ANTXR1: variants seen among roughly 807,000 people sequenced by gnomAD.
ANTXR1 encodes anthrax toxin receptor 1.
ANTXR1 carries 19 observed loss-of-function variants against 78.1 expected under a neutral mutation model. The observed-to-expected ratio is 0.24, with a 90% CI of 0.17 to 0.36. The LOEUF is 0.36. Among genes scored for constraint, ANTXR1 ranks in the 10% least tolerant of loss-of-function variants. The probability of loss-of-function intolerance (pLI) is 1.00; values close to 1 mark genes in which losing one functional copy is unlikely to be tolerated. For synonymous variants in ANTXR1, 273 were observed against 260.5 expected, an observed-to-expected ratio of 1.05 and a Z score of -0.46; for missense variants, 518 against 718.6, an observed-to-expected ratio of 0.72 and a Z score of 3.19.
chr2:69,103,046 G>C (rs1034294874), intron 10 of ANTXR1, 106 bp downstream of exon 10: 3 of 1,194,338 alleles, frequency 2.5e-6, no homozygotes, highest in Non-Finnish European at 3.7e-6. Context: ...CAGCAGAAAA[G>C]AGTCTTATTT....
chr2:69,171,249 A>G (rs1673976075), intron 14 of ANTXR1, among the ~76,000 whole-genome samples: 1 of 152,262 alleles, frequency 6.6e-6, no homozygotes. Flanking sequence ...ATCCTGAACC[A>G]TACGCATGTA....
At chr2:69,097,851 G>A (rs1322015387) in intron 9 of ANTXR1, among the ~76,000 whole-genome samples, 1 of 152,120 alleles carries the variant, frequency 6.6e-6, no homozygotes, top group Non-Finnish European at 1.5e-5. Context: ...ACAGGTAGGT[G>A]GATAAACAAA....
At chr2:69,147,968 C>A (rs187600755) in intron 12 of ANTXR1, among the ~76,000 whole-genome samples, 1 of 152,192 alleles carries the variant, frequency 6.6e-6, no homozygotes, top group Admixed American at 6.5e-5. Flanking sequence ...AAAATGCAGG[C>A]GTTTCAAGAG....
chr2:69,070,763 G>A (rs748711404), intron 4 of ANTXR1, 35 bp downstream of exon 4: 2 of 1,594,216 alleles, frequency 1.3e-6, no homozygotes, highest in South Asian at 2.2e-5. Context: ...CAAATATAAA[G>A]CATGATATTG....
intron 8 of ANTXR1, among the ~76,000 whole-genome samples, chr2:69,085,780 T>A (rs1437005156): frequency 6.6e-6 from 1 of 152,064 alleles, no homozygotes; most frequent in Non-Finnish European, 1.5e-5. Flanking sequence ...AAAATGTGCA[T>A]GGATATAGAG....
At chr2:69,218,255 T>C (rs1675227386) in intron 17 of ANTXR1, among the ~76,000 whole-genome samples, 1 of 152,188 alleles carries the variant, frequency 6.6e-6, no homozygotes, top group Admixed American at 6.5e-5. Context: ...CTTTAGATGG[T>C]CTGGGTCACT....
chr2:69,041,306 C>G (rs1430782408), intron 2 of ANTXR1, among the ~76,000 whole-genome samples: 3 of 152,228 alleles, frequency 2.0e-5, no homozygotes, highest in African/African-American at 7.2e-5. Flanking sequence ...TGAAAACTCA[C>G]TGCCTTTGAG....
intron 4 of ANTXR1, among the ~76,000 whole-genome samples, chr2:69,071,378 G>A (rs193154165): frequency 1.1e-4 from 16 of 152,300 alleles, no homozygotes; most frequent in Non-Finnish European, 1.6e-4. Flanking sequence ...TACATTGTAG[G>A]CAATTGTAAC....
At chr2:69,048,466 T>A (rs1201796474) in intron 3 of ANTXR1, among the ~76,000 whole-genome samples, 1 of 152,200 alleles carries the variant, frequency 6.6e-6, no homozygotes, top group African/African-American at 2.4e-5. Flanking sequence ...TCCTTTTTAT[T>A]ACTACCTTTC....
intron 10 of ANTXR1, 32 bp from the exon 11 acceptor site, chr2:69,122,985 C>G (rs1553366784): frequency 1.2e-6 from 2 of 1,606,182 alleles, no homozygotes; most frequent in East Asian, 2.2e-5. Flanking sequence ...ACTCACCTCC[C>G]TCTTCTTAAT....
intron 17 of ANTXR1, among the ~76,000 whole-genome samples, chr2:69,243,277 C>A (rs541216004): frequency 6.6e-6 from 1 of 152,350 alleles, no homozygotes; most frequent in South Asian, 2.1e-4. Context: ...ATGCAGAACA[C>A]CCTGTGAGGC....
chr2:69,069,945 A>G (rs1670516580), intron 3 of ANTXR1, among the ~76,000 whole-genome samples: 1 of 152,180 alleles, frequency 6.6e-6, no homozygotes, highest in Non-Finnish European at 1.5e-5. Flanking sequence ...TTGGCACAAT[A>G]TGGAGCTATT....
rs769058811 is a variant in ANTXR1, at chr2:69,245,349, A to G, written c.1559A>G (p.His520Arg). 4 of 965,702 alleles carry G rather than the reference A, an allele frequency of 4.1e-6. No homozygotes were observed. The highest frequency in any genetic ancestry group is 5.2e-6 in the Non-Finnish European group (4 of 766,172). 59.8% of individuals were successfully genotyped at this position (965,702 alleles called of 1,614,324 possible). ...TACACTCCCCCACCTCCTGCGCCCC[A>G]CTGCCCTCCCCCGCCCCCCAGCGCC... is the stretch of plus-strand genomic sequence containing the variant. Reference protein sequence around the residue: ...PIYTPPPPAPHCPPPPPSAPT... With the variant: ...PIYTPPPPAPRCPPPPPSAPT... The change falls in exon 18 of 18, where the codon CAC (histidine) becomes CGC (arginine). Residue 520 changes from histidine (H) to arginine (R), a missense_variant. His to Arg is a conservative substitution (Grantham distance 29). Transcript: ENST00000303714.
rs150534384 is a variant in ANTXR1, at chr2:69,084,433, A to G, written c.643-6426A>G. On this transcript the variant is annotated intron_variant, in intron 8 of 17. Coordinates refer to ENST00000303714, the MANE Select transcript of ANTXR1 (RefSeq NM_032208.3). ...ACAAAAACTTTGGCATGTTTTAAGA[A>G]TAAGCTTTATTGTTTAAGATACACA... Among the ~76,000 whole-genome samples, 796 of 152,312 alleles carry G rather than the reference A, an allele frequency of 5.2e-3. 5 individuals are homozygous for G. The highest frequency in any genetic ancestry group is 8.7e-3 in the Non-Finnish European group (594 of 68,030).
intron 1 of ANTXR1, among the ~76,000 whole-genome samples, chr2:69,030,838 A>G (rs1176817679): frequency 6.6e-6 from 1 of 152,214 alleles, no homozygotes; most frequent in Non-Finnish European, 1.5e-5. Flanking sequence ...TTCAGCTATC[A>G]GGAAAAAAAA....
At chr2:69,180,243 C>A (rs1488788595) in intron 14 of ANTXR1, among the ~76,000 whole-genome samples, 1 of 152,232 alleles carries the variant, frequency 6.6e-6, no homozygotes, top group Non-Finnish European at 1.5e-5. Flanking sequence ...TGGTGCCCTG[C>A]ATAGGACTTC....
At chr2:69,043,447 A>G (rs1391114447) in intron 2 of ANTXR1, among the ~76,000 whole-genome samples, 1 of 152,184 alleles carries the variant, frequency 6.6e-6, no homozygotes, top group East Asian at 1.9e-4. Flanking sequence ...GATTGTTGTT[A>G]TTATCATTTA....
chr2:69,151,343 A>C (rs1173540102), intron 12 of ANTXR1, among the ~76,000 whole-genome samples: 1 of 152,120 alleles, frequency 6.6e-6, no homozygotes, highest in Non-Finnish European at 1.5e-5. Context: ...CTCTCCTAGA[A>C]AGATTTGCTG....
intron 17 of ANTXR1, among the ~76,000 whole-genome samples, chr2:69,222,218 T>C (rs1400761223): frequency 1.3e-5 from 2 of 152,234 alleles, no homozygotes; most frequent in Non-Finnish European, 2.9e-5. Flanking sequence ...CCAAGGTTTC[T>C]GGACTCAGAG....
Sources: allele counts gnomAD v4.1 joint callset (sites outside exome capture counted in the v4.1 genomes callset), GRCh38; gene constraint gnomAD v4.1.1; transcripts MANE v1.5; gene names NCBI Gene and HGNC (gene_info 2026-07-23, HGNC 2026-07-21).